SYNJ2: variants seen among roughly 807,000 people sequenced by gnomAD.
SYNJ2 encodes synaptojanin 2, also known as polyphosphatidylinositol phosphatase SYNJ2.
SYNJ2 carries 116 observed loss-of-function variants against 141.3 expected under a neutral mutation model. That is an observed-to-expected ratio of 0.82 (90% CI 0.71 to 0.96). The LOEUF (loss-of-function observed/expected upper bound fraction) is 0.96, where lower values mean the gene tolerates loss of function less well. SYNJ2 is among the 40% of genes least tolerant of loss of function. The probability of loss-of-function intolerance (pLI) is 0.00; values close to 1 mark genes in which losing one functional copy is unlikely to be tolerated. For missense variants in SYNJ2, 1,873 were observed against 1,934.8 expected (o/e 0.97, Z 0.60); for synonymous variants, 745 against 777.7 (o/e 0.96, Z 0.70).
rs963579039 is a variant in SYNJ2, at chr6:158,043,159, C to T, written c.712-157C>T. Among the ~76,000 whole-genome samples, 1 of 152,170 alleles carries T rather than the reference C, an allele frequency of 6.6e-6. No homozygotes were observed. The highest frequency in any genetic ancestry group is 1.9e-4 in the East Asian group (1 of 5,190). On this transcript the variant is annotated intron_variant, in intron 4 of 26. Coordinates refer to ENST00000355585, the MANE Select transcript of SYNJ2 (RefSeq NM_003898.4). This position sits in a 1 kb window ranked among gnomAD's most constrained non-coding sequence, Gnocchi z 4.0. ...CCCAGTACCTGGCGAGAGGTCAGGG[C>T]GCATTGCCGGATGGGGGAGCAGAGG...
At chr6:157,997,027 A>ACC (rs1312763731) in intron 1 of SYNJ2, among the ~76,000 whole-genome samples, 13 of 116,166 alleles carry the variant, frequency 1.1e-4, no homozygotes, top group African/African-American at 4.2e-4. Context: ...CACCTACCCC[A>ACC]CCCCCCCCCA....
chr6:158,026,496 T>A (rs1779055570), intron 2 of SYNJ2, among the ~76,000 whole-genome samples: 1 of 151,952 alleles, frequency 6.6e-6, no homozygotes, highest in Non-Finnish European at 1.5e-5. Context: ...CTCTCCTCAC[T>A]CCCCTGTACC....
intron 1 of SYNJ2, among the ~76,000 whole-genome samples, chr6:157,995,732 C>T (rs1328830071): frequency 1.3e-5 from 2 of 152,152 alleles, no homozygotes; most frequent in South Asian, 2.1e-4. Context: ...CTCCGTGAGC[C>T]GGGTGACAAG....
In SYNJ2 at chr6:157,981,999, T is replaced by TG; in HGVS notation, c.43dup (p.Ala15GlyfsTer6). On this transcript the variant is annotated frameshift_variant, in exon 1 of 27. Transcript: ENST00000355585. LOFTEE classifies it high-confidence loss of function. This position sits in a 1 kb window ranked among gnomAD's most constrained non-coding sequence, Gnocchi z 6.4. ...AAAGGGCTGCGGCTGCTGGGGCGCCTGGGGGCCGAGGGGGACTGTAGCGTG... is the reference window on the plus strand; with the variant it reads ...AAAGGGCTGCGGCTGCTGGGGCGCCTGGGGGGCCGAGGGGGACTGTAGCGTG... The TG allele has an allele frequency of 7.8e-7, 1 of 1,284,406 alleles. No individual in the cohort carries two copies. The highest frequency in any genetic ancestry group is 4.0e-5 in the Admixed American group (1 of 25,270). 79.6% of individuals were successfully genotyped at this position (1,284,406 alleles called of 1,614,324 possible).
intron 13 of SYNJ2, among the ~76,000 whole-genome samples, chr6:158,069,322 G>T (rs989928556): frequency 6.6e-6 from 1 of 152,146 alleles, no homozygotes; most frequent in Non-Finnish European, 1.5e-5. Context: ...GGTTTCAGGG[G>T]TCAAGGGAGG....
intron 4 of SYNJ2, among the ~76,000 whole-genome samples, chr6:158,039,211 T>C (rs765878666): frequency 1.3e-4 from 20 of 152,378 alleles, no homozygotes; most frequent in Admixed American, 7.2e-4. Context: ...ATGCTTAGGT[T>C]GATCTAAGTT....
At chr6:158,005,652 C>T (rs1778040950) in intron 1 of SYNJ2, among the ~76,000 whole-genome samples, 1 of 152,130 alleles carries the variant, frequency 6.6e-6, no homozygotes, top group Non-Finnish European at 1.5e-5. Flanking sequence ...ACCATCAGGT[C>T]ACAACCCCTG....
intron 1 of SYNJ2, among the ~76,000 whole-genome samples, chr6:158,008,744 G>A (rs998867301): frequency 6.6e-6 from 1 of 152,172 alleles, no homozygotes; most frequent in African/African-American, 2.4e-5. Context: ...TTCCATTGCT[G>A]CGCCCTGGCT....
chr6:158,087,709 T>G (rs1328169099), intron 23 of SYNJ2, among the ~76,000 whole-genome samples: 2 of 152,126 alleles, frequency 1.3e-5, no homozygotes, highest in African/African-American at 2.4e-5. Context: ...AGCCCAGATA[T>G]AAAAATAACC....
chr6:158,083,903 C>T (rs563153282), intron 21 of SYNJ2, 98 bp from the exon 22 acceptor site: 9 of 1,386,952 alleles, frequency 6.5e-6, no homozygotes, highest in African/African-American at 5.7e-5. Flanking sequence ...GCAGGGTGCA[C>T]GTGTCCTGAC....
rs923158310 is a variant in SYNJ2, at chr6:158,097,628, G to A, written c.*1264G>A. 3.9e-5 allele frequency: 6 copies of A among 152,276 alleles called. No individual in the cohort carries two copies. Among genetic ancestry groups the A allele is most frequent in the African/African-American group, 1.4e-4 (6 of 41,544 alleles). 9.4% of individuals were successfully genotyped at this position (152,276 alleles called of 1,614,324 possible). A position where few individuals can be genotyped will look rare whatever the true frequency, so the allele number is the denominator to read the frequency against. On this transcript the variant is annotated 3_prime_UTR_variant, in exon 27 of 27. Coordinates refer to ENST00000355585, the MANE Select transcript of SYNJ2 (RefSeq NM_003898.4). ...ATCAAGTGTCATCCCTTACGTGACT[G>A]GGGGATGTCTGTCCTAAAAGCTGAC... is the stretch of plus-strand genomic sequence containing the variant.
chr6:157,987,239 G>A (rs983763924), intron 1 of SYNJ2, among the ~76,000 whole-genome samples: 9 of 152,086 alleles, frequency 5.9e-5, no homozygotes, highest in African/African-American at 1.9e-4. Flanking sequence ...CACCCGCTTC[G>A]GCCTCCCAAA....
At chr6:158,047,774 C>CAAAAAAAAAAAAAAAAAAAAAA (rs58147972) in intron 5 of SYNJ2, among the ~76,000 whole-genome samples, 4 of 32,376 alleles carry the variant, frequency 1.2e-4, no homozygotes, top group Non-Finnish European at 1.5e-4. Flanking sequence ...GCGACTCTGT[C>CAAAAAAAAAAAAAAAAAAAAAA]AAAAAAAAAA....
intron 5 of SYNJ2, among the ~76,000 whole-genome samples, chr6:158,046,779 A>G (rs1209468167): frequency 6.6e-6 from 1 of 152,214 alleles, no homozygotes; most frequent in East Asian, 1.9e-4. Flanking sequence ...AAATAGCCAC[A>G]TTGAAATTTT....
chr6:158,009,867 A>G (rs1778201121), intron 1 of SYNJ2, among the ~76,000 whole-genome samples: 1 of 152,234 alleles, frequency 6.6e-6, no homozygotes, highest in Admixed American at 6.5e-5. Flanking sequence ...TGGCACCTGC[A>G]GCAGCTGCCC....
In SYNJ2 at chr6:158,084,740, A is replaced by C. The variant is rs1024564477; in HGVS notation, c.3208+566A>C. 6.6e-6 allele frequency among the ~76,000 whole-genome samples: 1 copy of C among 151,930 alleles called. No homozygotes were observed. Among genetic ancestry groups the C allele is most frequent in the Non-Finnish European group, 1.5e-5 (1 of 68,008 alleles). ...AGCAGGAGAATCGCTTGAGCTGGGG[A>C]GGCAGAGGCTGCAATGAGCCGAGAT... is the stretch of plus-strand genomic sequence containing the variant. On this transcript the variant is annotated intron_variant, in intron 22 of 26. Transcript: ENST00000355585. The surrounding 1 kb of genome is among the most constrained non-coding windows in gnomAD (Gnocchi z 5.0).
chr6:157,993,612 G>A (rs1452043339), intron 1 of SYNJ2, among the ~76,000 whole-genome samples: 1 of 151,280 alleles, frequency 6.6e-6, no homozygotes, highest in African/African-American at 2.4e-5. Flanking sequence ...TTTTGCCCAG[G>A]TCAATGTCCT....
chr6:158,049,280 T>C (rs1438708273), intron 5 of SYNJ2, among the ~76,000 whole-genome samples: 2 of 152,016 alleles, frequency 1.3e-5, no homozygotes, highest in Non-Finnish European at 2.9e-5. Context: ...CAAAATGCAG[T>C]GACAGTGGTG....
At chr6:158,089,431 G>GA (rs1783288199) in intron 24 of SYNJ2, among the ~76,000 whole-genome samples, 1 of 152,112 alleles carries the variant, frequency 6.6e-6, no homozygotes, top group African/African-American at 2.4e-5. Flanking sequence ...TTACAGTAGT[G>GA]AAAATAGGTC....
Sources: allele counts gnomAD v4.1 joint callset (sites outside exome capture counted in the v4.1 genomes callset), GRCh38; gene constraint gnomAD v4.1.1; non-coding constraint Gnocchi (gnomAD v3.1); transcripts MANE v1.5; gene names NCBI Gene and HGNC (gene_info 2026-07-23, HGNC 2026-07-21).